The following ATXN1 variants were observed in gnomAD, a reference collection of about 807,000 sequenced individuals.
The protein encoded by ATXN1 is ataxin 1.
ATXN1 carries 8 observed loss-of-function variants against 56.4 expected under a neutral mutation model. That is an observed-to-expected ratio of 0.14 (90% confidence interval 0.08 to 0.26). The LOEUF (loss-of-function observed/expected upper bound fraction) is 0.26. ATXN1 is among the 10% of genes least tolerant of loss of function. The pLI, the probability that ATXN1 is intolerant of heterozygous loss-of-function variation, is 1.00. For synonymous variants in ATXN1, 514 were observed against 494.6 expected (o/e 1.04, Z -0.52); for missense variants, 987 against 1,106.5 (o/e 0.89, Z 1.53).
chr6:16,397,195 A>G (rs1206470360), intron 6 of ATXN1, among the ~76,000 whole-genome samples: 1 of 152,194 alleles, frequency 6.6e-6, no homozygotes, highest in African/African-American at 2.4e-5. Context: ...TATTACAGAA[A>G]TCAGTAAATG....
At chr6:16,563,970 C>G (rs181318396) in intron 4 of ATXN1, among the ~76,000 whole-genome samples, 1 of 152,242 alleles carries the variant, frequency 6.6e-6, no homozygotes, top group East Asian at 1.9e-4. Flanking sequence ...TCTAAGATTT[C>G]AACAGGTGTA....
At chr6:16,656,536 A>G (rs1339231781) in intron 3 of ATXN1, among the ~76,000 whole-genome samples, 1 of 152,172 alleles carries the variant, frequency 6.6e-6, no homozygotes, top group Non-Finnish European at 1.5e-5. Context: ...ATGTTGGTGT[A>G]TGCTCTGGAA....
chr6:16,571,861 C>T (rs1276929296), intron 4 of ATXN1, among the ~76,000 whole-genome samples: 1 of 152,094 alleles, frequency 6.6e-6, no homozygotes, highest in Non-Finnish European at 1.5e-5. Context: ...TAGGGTCTCA[C>T]TACGCTGTCC....
At chr6:16,683,940 T>C (rs1301190329) in intron 2 of ATXN1, among the ~76,000 whole-genome samples, 1 of 152,240 alleles carries the variant, frequency 6.6e-6, no homozygotes, top group Non-Finnish European at 1.5e-5. Context: ...GCACAGTTCA[T>C]GGTTCACGGT....
intron 6 of ATXN1, among the ~76,000 whole-genome samples, chr6:16,369,216 G>A (rs913552903): frequency 2.6e-5 from 4 of 152,108 alleles, no homozygotes; most frequent in Non-Finnish European, 4.4e-5. Flanking sequence ...CTCCTCTCTT[G>A]TTGCTTTCTA....
intron 2 of ATXN1, among the ~76,000 whole-genome samples, chr6:16,718,688 AAG>A (rs1759686612): frequency 1.3e-5 from 2 of 152,368 alleles, no homozygotes; most frequent in Non-Finnish European, 2.9e-5. Context: ...CTGAACTGCC[AAG>A]AGTTTTAACA....
chr6:16,400,802 A>G (rs1758552208), intron 6 of ATXN1, among the ~76,000 whole-genome samples: 1 of 152,202 alleles, frequency 6.6e-6, no homozygotes, highest in Admixed American at 6.5e-5. Context: ...CGGGAATTAC[A>G]AGCCAGAGAA....
At chr6:16,601,272 G>A (rs1347601263) in intron 3 of ATXN1, among the ~76,000 whole-genome samples, 1 of 152,220 alleles carries the variant, frequency 6.6e-6, no homozygotes, top group South Asian at 2.1e-4. Flanking sequence ...ATGTGACACA[G>A]AGCATTTAGC....
At position 16,404,379 on chromosome 6, in the gene ATXN1, C is replaced by T. The variant is rs533347768; in HGVS notation, c.-160-75909G>A. 6.6e-5 allele frequency among the ~76,000 whole-genome samples: 10 copies of T among 152,286 alleles called. No homozygotes were observed. The South Asian group carries it at 2.1e-3, about 32-fold the overall frequency. Reference sequence around the variant, plus strand: ...TTTTCACATTTTCCACTAAAAGGTGCTTTGTCCTTTGGGAGGAATGTGCCC... The same window carrying T: ...TTTTCACATTTTCCACTAAAAGGTGTTTTGTCCTTTGGGAGGAATGTGCCC... On this transcript the variant is annotated intron_variant, in intron 6 of 7. Transcript: ENST00000436367.
At chr6:16,535,138 G>C (rs1444058763) in intron 4 of ATXN1, among the ~76,000 whole-genome samples, 1 of 152,228 alleles carries the variant, frequency 6.6e-6, no homozygotes, top group Non-Finnish European at 1.5e-5. Context: ...TCAATCTGTA[G>C]CATGAAGATT....
chr6:16,349,120 AT>A (rs1307165540), intron 6 of ATXN1, among the ~76,000 whole-genome samples: 1 of 152,244 alleles, frequency 6.6e-6, no homozygotes, highest in Non-Finnish European at 1.5e-5. Context: ...AAGACCTACA[AT>A]TACTGGCTGT....
intron 7 of ATXN1, among the ~76,000 whole-genome samples, chr6:16,309,981 C>A (rs993859455): frequency 7.3e-5 from 11 of 150,842 alleles, no homozygotes; most frequent in African/African-American, 2.2e-4. Flanking sequence ...TTGCAGTGAG[C>A]CAAGATCGTT....
chr6:16,485,153 C>T (rs146489625), intron 6 of ATXN1: 215 of 152,146 alleles, frequency 1.4e-3, no homozygotes, highest in African/African-American at 5.0e-3. Context: ...ATTCATAGGC[C>T]ATCCTGGGTT....
intron 4 of ATXN1, among the ~76,000 whole-genome samples, chr6:16,584,223 C>CATATATATATATATATAT (rs746676585): frequency 0.037 from 2,868 of 77,754 alleles, 46 homozygotes; most frequent in Non-Finnish European, 0.05. Context: ...CGATATTGGA[C>CATATATATATATATATAT]ATATATATAT....
In ATXN1 at chr6:16,680,528, G is replaced by T. The variant is rs1371679315; in HGVS notation, c.-614-22627C>A. On this transcript the variant is annotated intron_variant, in intron 2 of 7. Coordinates refer to ENST00000436367, the MANE Select transcript of ATXN1 (RefSeq NM_001128164.2). ...TCATTCATCAGACCCTTCAAGGGAA[G>T]AAGGACCCAGGGCAGCTCTGACACT... is the stretch of plus-strand genomic sequence containing the variant. Among the ~76,000 whole-genome samples, 6 of 152,182 alleles carry T rather than the reference G, an allele frequency of 3.9e-5. No individual in the cohort carries two copies. In the East Asian group the frequency reaches 1.2e-3, roughly 29 times the overall value.
intron 3 of ATXN1, among the ~76,000 whole-genome samples, chr6:16,623,263 T>C (rs1763351222): frequency 6.6e-6 from 1 of 152,212 alleles, no homozygotes; most frequent in African/African-American, 2.4e-5. Flanking sequence ...ACATTTGTTT[T>C]TGTTAACTGG....
At chr6:16,405,987 G>A (rs1758678278) in intron 6 of ATXN1, among the ~76,000 whole-genome samples, 1 of 152,178 alleles carries the variant, frequency 6.6e-6, no homozygotes, top group South Asian at 2.1e-4. Flanking sequence ...ACCATAGCAT[G>A]TGAAGGACCT....
intron 2 of ATXN1, chr6:16,752,869 A>G (rs777879164): frequency 1.0e-4 from 20 of 197,286 alleles, no homozygotes; most frequent in Non-Finnish European, 1.9e-4. Context: ...ATACTACAAC[A>G]GTAATCTAAA....
intron 3 of ATXN1, among the ~76,000 whole-genome samples, chr6:16,644,381 G>A (rs998995754): frequency 6.6e-6 from 1 of 152,018 alleles, no homozygotes; most frequent in African/African-American, 2.4e-5. Context: ...TGGGCGTGGC[G>A]GCATGCGCCT....
Sources: allele counts gnomAD v4.1 joint callset (sites outside exome capture counted in the v4.1 genomes callset), GRCh38; gene constraint gnomAD v4.1.1; transcripts MANE v1.5; gene names NCBI Gene and HGNC (gene_info 2026-07-23, HGNC 2026-07-21).